The following MMD2 variants were observed in gnomAD, a reference collection of about 807,000 sequenced individuals.
MMD2 encodes the protein monocyte to macrophage differentiation associated 2.
MMD2 carries 30 observed loss-of-function variants against 33.5 expected under a neutral mutation model. That is an observed-to-expected ratio of 0.90 (90% CI 0.67 to 1.22). The LOEUF (loss-of-function observed/expected upper bound fraction) is 1.22. Among genes scored for constraint, MMD2 ranks in the 50% most tolerant of loss-of-function variants. The pLI is 0.00. For synonymous variants in MMD2, 129 were observed against 123.0 expected (o/e 1.05, Z -0.32); for missense variants, 364 against 325.4 (o/e 1.12, Z -0.91).
chr7:4,904,714 A>G (rs1279912835), downstream of MMD2, among the ~76,000 whole-genome samples: 1 of 152,172 alleles, frequency 6.6e-6, no homozygotes, highest in Non-Finnish European at 1.5e-5. Context: ...CCATTTAGCA[A>G]CTGAGAACAC....
intron 4 of MMD2, among the ~76,000 whole-genome samples, chr7:4,911,477 A>G (rs1036069950): frequency 1.3e-5 from 2 of 152,240 alleles, no homozygotes; most frequent in African/African-American, 4.8e-5. Context: ...GATAATATCT[A>G]GAAGAAAAGG....
chr7:4,912,261 T>C (rs1785032808), intron 4 of MMD2, among the ~76,000 whole-genome samples: 1 of 151,950 alleles, frequency 6.6e-6, no homozygotes, highest in Non-Finnish European at 1.5e-5. Flanking sequence ...TGTGTATGTA[T>C]AAAGAGATAA....
At chr7:4,899,968 G>A in the MMD2 span, among the ~76,000 whole-genome samples, 7 of 152,284 alleles carry the variant, frequency 4.6e-5, 1 homozygote, top group South Asian at 1.0e-3. Context: ...AAAGTTGTCA[G>A]GACAAGCTGA....
chr7:4,897,142 G>A, the MMD2 span, among the ~76,000 whole-genome samples: 33 of 150,742 alleles, frequency 2.2e-4, no homozygotes, highest in South Asian at 6.3e-3. Flanking sequence ...TTACAGGCAT[G>A]AGCCACCACG....
intron 1 of MMD2, among the ~76,000 whole-genome samples, chr7:4,942,542 A>C (rs1785939294): frequency 6.6e-6 from 1 of 151,862 alleles, no homozygotes; most frequent in African/African-American, 2.4e-5. Context: ...TGCTGGGATT[A>C]CAGGCATGAG....
intron 4 of MMD2, among the ~76,000 whole-genome samples, chr7:4,913,549 C>A (rs1047809245): frequency 1.3e-5 from 2 of 152,024 alleles, no homozygotes; most frequent in East Asian, 3.9e-4. Flanking sequence ...GAAACCCCAT[C>A]TCCACTAAAA....
chr7:4,893,792 G>C, the MMD2 span, among the ~76,000 whole-genome samples: 1 of 152,148 alleles, frequency 6.6e-6, no homozygotes, highest in African/African-American at 2.4e-5. Flanking sequence ...CCCCTTTATA[G>C]ACTATATAGG....
rs955289484 is a variant in MMD2 at position 4,920,924 on chromosome 7, C to A, written c.130-593G>T. On this transcript the variant is annotated intron_variant, in intron 2 of 6. Coordinates refer to ENST00000401401, the MANE Select transcript of MMD2 (RefSeq NM_198403.4). ...ATAGAGGTGGGGTCTGGCTATAATG[C>A]CCAGGCTGGTCTTGAACTCCTGACC... Among the ~76,000 whole-genome samples, 4 of 152,022 alleles carry A rather than the reference C, an allele frequency of 2.6e-5. No homozygotes were observed. The East Asian group carries it at 5.8e-4, about 22-fold the overall frequency.
At chr7:4,910,142 C>T (rs1231291632) in intron 5 of MMD2, 192 bp from the exon 6 acceptor site, 18 of 1,292,476 alleles carry the variant, frequency 1.4e-5, no homozygotes, top group Non-Finnish European at 1.7e-5. Flanking sequence ...AGTTATGTGA[C>T]CCTGGGCACT....
Position 4,906,466 on chromosome 7 carries a change from C to T in MMD2, c.*930G>A. On this transcript the variant is annotated 3_prime_UTR_variant, in exon 7 of 7. Coordinates refer to ENST00000401401, the MANE Select transcript of MMD2 (RefSeq NM_198403.4). ...GGCATCACAAACCTTAAGTATGGAG[C>T]AGGGAGCAAGTGCCTGGGGGCTGTT... The T allele has an allele frequency of 5.0e-6, 2 of 398,660 alleles. No individual in the cohort carries two copies. The highest frequency in any genetic ancestry group is 8.8e-6 in the Non-Finnish European group (2 of 226,090). 24.7% of individuals were successfully genotyped at this position (398,660 alleles called of 1,614,324 possible). A position where few individuals can be genotyped will look rare whatever the true frequency, so the allele number is the denominator to read the frequency against.
intron 1 of MMD2, among the ~76,000 whole-genome samples, chr7:4,955,457 G>A (rs970121135): frequency 4.1e-4 from 62 of 152,048 alleles, no homozygotes; most frequent in African/African-American, 1.4e-3. Context: ...TCTCACCACA[G>A]AAGATACCAA....
intron 2 of MMD2, among the ~76,000 whole-genome samples, chr7:4,924,430 G>A (rs966281692): frequency 6.6e-6 from 1 of 152,254 alleles, no homozygotes; most frequent in African/African-American, 2.4e-5. Flanking sequence ...CCTGTGCCAG[G>A]TGTGCTGAGA....
intron 6 of MMD2, 48 bp from the exon 7 acceptor site, chr7:4,907,647 G>T: frequency 6.3e-7 from 1 of 1,592,374 alleles, no homozygotes; most frequent in Non-Finnish European, 8.6e-7. Context: ...GGCAGTCAGT[G>T]TGGCTGAAAG....
the MMD2 span, among the ~76,000 whole-genome samples, chr7:4,895,587 A>G: frequency 6.6e-6 from 1 of 151,248 alleles, no homozygotes; most frequent in Non-Finnish European, 1.5e-5. Flanking sequence ...CCCCAGCTGG[A>G]GTGCAGTGGC....
At chr7:4,909,303 G>C (rs1010880148) in intron 6 of MMD2, among the ~76,000 whole-genome samples, 1 of 151,780 alleles carries the variant, frequency 6.6e-6, no homozygotes, top group Non-Finnish European at 1.5e-5. Context: ...GCAACATAGT[G>C]AGACCCCATC....
At chr7:4,922,390 C>T (rs539235031) in intron 2 of MMD2, among the ~76,000 whole-genome samples, 9 of 151,934 alleles carry the variant, frequency 5.9e-5, no homozygotes, top group South Asian at 2.1e-4. Flanking sequence ...GTCAACAGGG[C>T]GAAACCCCAT....
chr7:4,941,491 G>A (rs1209820497), intron 1 of MMD2, among the ~76,000 whole-genome samples: 3 of 152,010 alleles, frequency 2.0e-5, no homozygotes, highest in South Asian at 4.1e-4. Context: ...TAAGCCGGGC[G>A]TGGTGGCGGG....
In MMD2 at chr7:4,908,770, G is replaced by A. The variant is rs540172091; in HGVS notation, c.537+1111C>T. 2.6e-4 allele frequency among the ~76,000 whole-genome samples: 40 copies of A among 151,874 alleles called. 1 individual carries two copies. In the East Asian group the frequency reaches 4.9e-3, roughly 19 times the overall value. On this transcript the variant is annotated intron_variant, in intron 6 of 6. Coordinates refer to ENST00000401401, the MANE Select transcript of MMD2 (RefSeq NM_198403.4). ...TAATTAGCCGAGAGTGGTGGCACGC[G>A]CCTGTAATCCCAGCTACTCAGGAGG... is the stretch of plus-strand genomic sequence containing the variant.
At chr7:4,951,248 T>G (rs905249287) in intron 1 of MMD2, among the ~76,000 whole-genome samples, 2 of 152,070 alleles carry the variant, frequency 1.3e-5, no homozygotes, top group South Asian at 2.1e-4. Context: ...CTTTATTTTC[T>G]TCCCACTGGA....
Sources: allele counts gnomAD v4.1 joint callset (sites outside exome capture counted in the v4.1 genomes callset), GRCh38; gene constraint gnomAD v4.1.1; transcripts MANE v1.5; gene names NCBI Gene and HGNC (gene_info 2026-07-23, HGNC 2026-07-21).